YY1: variants seen among roughly 807,000 people sequenced by gnomAD.
YY1 encodes transcriptional repressor protein YY1.
In YY1, 2 loss-of-function variants were observed where a neutral mutation model predicts 35.6. The observed-to-expected ratio is 0.06, with a 90% CI of 0.02 to 0.18. The LOEUF is 0.18. Ranked by LOEUF, YY1 falls within the 10% of genes least tolerant of loss-of-function variation. The probability of loss-of-function intolerance (pLI) is 1.00; values close to 1 mark genes in which losing one functional copy is unlikely to be tolerated. For synonymous variants in YY1, 268 were observed against 238.9 expected (o/e 1.12, Z -1.12); for missense variants, 322 against 573.4 (o/e 0.56, Z 4.48).
At chr14:100,250,024 C>T (rs903298801) in intron 1 of YY1, among the ~76,000 whole-genome samples, 1 of 152,178 alleles carries the variant, frequency 6.6e-6, no homozygotes, top group Admixed American at 6.5e-5. Flanking sequence ...CTGTCCGCTT[C>T]AGCCTTCCAA....
intron 1 of YY1, among the ~76,000 whole-genome samples, chr14:100,249,472 A>G (rs1890889187): frequency 6.6e-6 from 1 of 152,078 alleles, no homozygotes; most frequent in Admixed American, 6.6e-5. Flanking sequence ...GAGTCAGGGA[A>G]AGGGGCTGCC....
intron 1 of YY1, among the ~76,000 whole-genome samples, chr14:100,241,083 A>G (rs61992902): frequency 0.034 from 5,147 of 152,316 alleles, 135 homozygotes; most frequent in Non-Finnish European, 0.051. Flanking sequence ...CTTCAAAGGC[A>G]ATTATTAATT....
Position 100,239,822 on chromosome 14 carries a change from C to T in YY1, c.578C>T (p.Ala193Val). 6.8e-7 allele frequency: 1 copy of T among 1,461,514 alleles called. No homozygotes were observed. The allele number at this position is 1,461,514 out of a possible 1,614,324, so 90.5% of individuals were successfully genotyped here. A position where few individuals can be genotyped will look rare whatever the true frequency, so the allele number is the denominator to read the frequency against. ...TACCTCAGCGGCGGGGCCGGCGCGGCGGGCGGCGGCGGCGCCGACCCGGGC... is the reference window on the plus strand; with the variant it reads ...TACCTCAGCGGCGGGGCCGGCGCGGTGGGCGGCGGCGGCGCCGACCCGGGC... ...KSYLSGGAGAAGGGGADPGNK... is the reference protein window; with the variant it reads ...KSYLSGGAGAVGGGGADPGNK... The change falls in exon 1 of 5, where the codon GCG (alanine) becomes GTG (valine). Residue 193 changes from alanine (A) to valine (V), a missense_variant. Physicochemically the swap from Ala to Val is moderately conservative, Grantham distance 64. Around this residue, in one of 4 missense-constraint regions of YY1, gnomAD observed 152 missense variants for 167.1 expected, o/e 0.91. Coordinates refer to ENST00000262238, the MANE Select transcript of YY1 (RefSeq NM_003403.5).
chr14:100,259,296 G>A (rs1410377995), intron 1 of YY1, among the ~76,000 whole-genome samples: 1 of 152,140 alleles, frequency 6.6e-6, no homozygotes, highest in Non-Finnish European at 1.5e-5. Flanking sequence ...CAAGGCGGGT[G>A]GATCACGAGG....
At chr14:100,266,755 G>C (rs1454870174) in intron 2 of YY1, among the ~76,000 whole-genome samples, 1 of 152,156 alleles carries the variant, frequency 6.6e-6, no homozygotes, top group Non-Finnish European at 1.5e-5. Context: ...GGGATAATTA[G>C]AGACAATAAA....
At chr14:100,258,624 A>G (rs1342954619) in intron 1 of YY1, among the ~76,000 whole-genome samples, 1 of 152,164 alleles carries the variant, frequency 6.6e-6, no homozygotes, top group Non-Finnish European at 1.5e-5. Flanking sequence ...AAGTGCTGGG[A>G]TTACAGGCGT....
chr14:100,258,719 C>A (rs1891038560), intron 1 of YY1, among the ~76,000 whole-genome samples: 1 of 152,162 alleles, frequency 6.6e-6, no homozygotes, highest in Admixed American at 6.6e-5. Flanking sequence ...CCTCTCTGTG[C>A]CTGCGCATTC....
In YY1 at chr14:100,276,138, G is replaced by C. The variant is rs144178529; in HGVS notation, c.904-352G>C. 1 of 340,690 alleles carries C rather than the reference G, an allele frequency of 2.9e-6. No individual in the cohort carries two copies. The highest frequency in any genetic ancestry group is 5.6e-6 in the Non-Finnish European group (1 of 177,682). 21.1% of individuals were successfully genotyped at this position (340,690 alleles called of 1,614,324 possible). On this transcript the variant is annotated intron_variant, in intron 3 of 4. Transcript: ENST00000262238. The surrounding 1 kb of genome is among the most constrained non-coding windows in gnomAD (Gnocchi z 4.1). The stretch of plus-strand genomic sequence containing the variant: ...AGCAGTGCTTCTGTTACTTCATTTT[G>C]GGGGACATAGTCGGGTGAGGTGGCT...
At chr14:100,274,046 C>G (rs567697403) in intron 2 of YY1, among the ~76,000 whole-genome samples, 10 of 152,270 alleles carry the variant, frequency 6.6e-5, no homozygotes, top group African/African-American at 2.4e-4. Context: ...ATCTGTCCAC[C>G]AGGCCCTAGG....
Position 100,281,280 on chromosome 14 carries a change from T to TA in YY1, c.*3682dup, listed in dbSNP as rs1006837281. 1 of 151,904 alleles carries TA rather than the reference T, an allele frequency of 6.6e-6. No individual in the cohort carries two copies. Among genetic ancestry groups the TA allele is most frequent in the Admixed American group, 6.6e-5 (1 of 15,222 alleles). The allele number at this position is 151,904 out of a possible 1,614,324, so 9.4% of individuals were successfully genotyped here. ...CTTGACATCTGACCCCCAGCAAGAG[T>TA]AAGGATCCCAGAGGTCAAAACAGTG... On this transcript the variant is annotated 3_prime_UTR_variant, in exon 5 of 5. Coordinates refer to ENST00000262238, the MANE Select transcript of YY1 (RefSeq NM_003403.5).
At chr14:100,257,892 A>G (rs1891026285) in intron 1 of YY1, among the ~76,000 whole-genome samples, 1 of 152,168 alleles carries the variant, frequency 6.6e-6, no homozygotes, top group Admixed American at 6.5e-5. Context: ...TAATCCCAGC[A>G]CTTTGGTAGG....
chr14:100,249,782 G>GTTT (rs1329848977), intron 1 of YY1, among the ~76,000 whole-genome samples: 1 of 127,404 alleles, frequency 7.8e-6, no homozygotes, highest in African/African-American at 3.0e-5. Context: ...TTTTGTTTTT[G>GTTT]TTTTTTTTTG....
intron 1 of YY1, among the ~76,000 whole-genome samples, chr14:100,242,629 C>T (rs943633946): frequency 2.6e-5 from 4 of 152,080 alleles, no homozygotes; most frequent in Non-Finnish European, 5.9e-5. Flanking sequence ...ACCTCGTGAT[C>T]CGCCTGCCTC....
chr14:100,248,889 G>A (rs748835029), intron 1 of YY1, among the ~76,000 whole-genome samples: 2 of 151,126 alleles, frequency 1.3e-5, no homozygotes, highest in East Asian at 2.0e-4. Context: ...GGGTTTCACC[G>A]TGTTAGCCAG....
In YY1 at chr14:100,278,305, T is replaced by G. The variant is rs1891355446; in HGVS notation, c.*705T>G. ...ATTTAAACCCATTTTAGTCACTTTT[T>G]TTTTCCAAAAAAATACTGCCAGATG... On this transcript the variant is annotated 3_prime_UTR_variant, in exon 5 of 5. Coordinates refer to ENST00000262238, the MANE Select transcript of YY1 (RefSeq NM_003403.5). 6.5e-6 allele frequency: 1 copy of G among 152,676 alleles called. No individual in the cohort carries two copies. Among genetic ancestry groups the G allele is most frequent in the African/African-American group, 2.4e-5 (1 of 41,384 alleles). 9.5% of individuals were successfully genotyped at this position (152,676 alleles called of 1,614,324 possible).
rs769992635 is a variant in YY1, at chr14:100,239,745, G to A, written c.501G>A (p.Ser167=). The A allele has an allele frequency of 6.3e-7, 1 of 1,587,624 alleles. No individual in the cohort carries two copies. Among genetic ancestry groups the A allele is most frequent in the South Asian group, 1.1e-5 (1 of 89,530 alleles). ...GCGGCGGCGGCGGCTCGTCGTCGTC[G>A]GGAGGCGGCCGCGTCAAGAAGGGCG... is the stretch of plus-strand genomic sequence containing the variant. ...GKSGGGGSSS[S]GGGRVKKGGG... is the part of the protein sequence containing the mutation. The change falls in exon 1 of 5, where the codon TCG becomes TCA. Residue 167 remains serine (S), a synonymous_variant. Coordinates refer to ENST00000262238, the MANE Select transcript of YY1 (RefSeq NM_003403.5).
chr14:100,249,748 G>GTTTTTTTTTTTT (rs57119106), intron 1 of YY1, among the ~76,000 whole-genome samples: 1 of 141,032 alleles, frequency 7.1e-6, no homozygotes, highest in African/African-American at 2.7e-5. Flanking sequence ...GCTACTTACC[G>GTTTTTTTTTTTT]TTTTTTTTTT....
chr14:100,260,771 C>CTTTTTTTTTTTT (rs71113254), intron 1 of YY1, among the ~76,000 whole-genome samples: 7 of 42,568 alleles, frequency 1.6e-4, no homozygotes, highest in Non-Finnish European at 3.0e-4. Flanking sequence ...GTGCCTGGTC[C>CTTTTTTTTTTTT]TTTTTTTTTT....
chr14:100,247,734 T>C (rs536856092), intron 1 of YY1, among the ~76,000 whole-genome samples: 1 of 152,332 alleles, frequency 6.6e-6, no homozygotes, highest in East Asian at 1.9e-4. Context: ...AGCCATTTCC[T>C]CGTTCTAAGT....
Sources: allele counts gnomAD v4.1 joint callset (sites outside exome capture counted in the v4.1 genomes callset), GRCh38; gene constraint gnomAD v4.1.1; regional missense constraint gnomAD v4.1.1; non-coding constraint Gnocchi (gnomAD v3.1); transcripts MANE v1.5; gene names NCBI Gene and HGNC (gene_info 2026-07-23, HGNC 2026-07-21).